RPIA: variants seen among roughly 807,000 people sequenced by gnomAD.
The protein encoded by RPIA is ribose 5-phosphate isomerase A.
A neutral mutation model predicts 37.8 loss-of-function variants in RPIA; 29 were observed. The ratio of observed to expected loss-of-function variants is 0.77; its 90% CI spans 0.57 to 1.05. RPIA has a LOEUF of 1.05. RPIA is among the 50% of genes least tolerant of loss of function. The pLI, the probability that RPIA is intolerant of heterozygous loss-of-function variation, is 0.00. For missense variants in RPIA, 385 were observed against 413.6 expected (o/e 0.93, Z 0.60); for synonymous variants, 167 against 157.0 (o/e 1.06, Z -0.48).
chr2:88,734,455 A>G, intron 4 of RPIA, 97 bp from the exon 5 acceptor site: 1 of 1,146,628 alleles, frequency 8.7e-7, no homozygotes. Context: ...ATTAGCTAAC[A>G]GGGCTGCTGA....
At chr2:88,699,384 A>C (rs1381500546) in intron 2 of RPIA, among the ~76,000 whole-genome samples, 1 of 152,142 alleles carries the variant, frequency 6.6e-6, no homozygotes, top group Non-Finnish European at 1.5e-5. Context: ...TTTTAATACG[A>C]ATTTTTTCCT....
chr2:88,726,331 T>A (rs940379371), intron 3 of RPIA, among the ~76,000 whole-genome samples: 2 of 152,136 alleles, frequency 1.3e-5, no homozygotes, highest in African/African-American at 4.8e-5. Flanking sequence ...CAACACAAAT[T>A]CATAAACTTT....
intron 3 of RPIA, among the ~76,000 whole-genome samples, chr2:88,702,684 G>A (rs1317743241): frequency 1.3e-5 from 2 of 152,160 alleles, no homozygotes. Context: ...ATGAGCTTTG[G>A]GTGGGGACAG....
intron 3 of RPIA, among the ~76,000 whole-genome samples, chr2:88,717,314 C>T (rs1009297090): frequency 7.9e-5 from 12 of 152,092 alleles, no homozygotes; most frequent in South Asian, 4.1e-4. Flanking sequence ...GAGGTCCTGA[C>T]GATATGTGCC....
chr2:88,726,515 G>A (rs894640933), intron 3 of RPIA, among the ~76,000 whole-genome samples: 4 of 152,106 alleles, frequency 2.6e-5, no homozygotes, highest in African/African-American at 9.7e-5. Flanking sequence ...GAATAGAGAG[G>A]CCCTTGTGCA....
chr2:88,748,476 T>TATTC (rs1406850006), intron 8 of RPIA, among the ~76,000 whole-genome samples: 1 of 152,242 alleles, frequency 6.6e-6, no homozygotes, highest in Non-Finnish European at 1.5e-5. Context: ...CTGTAGCTTG[T>TATTC]ATTCACTTAG....
chr2:88,740,432 CATT>C (rs1462682940), intron 8 of RPIA, among the ~76,000 whole-genome samples: 1 of 152,188 alleles, frequency 6.6e-6, no homozygotes, highest in East Asian at 1.9e-4. Context: ...TATCTTTTCT[CATT>C]TTTTCTTTTC....
At chr2:88,706,253 A>C (rs1189882895) in intron 3 of RPIA, among the ~76,000 whole-genome samples, 1 of 152,186 alleles carries the variant, frequency 6.6e-6, no homozygotes, top group Non-Finnish European at 1.5e-5. Flanking sequence ...ATACATGCAC[A>C]TGTATGTTCA....
rs539956610 is a variant in RPIA, at chr2:88,721,831, T to A, written c.403-7447T>A. On this transcript the variant is annotated intron_variant, in intron 3 of 8. Coordinates refer to ENST00000283646, the MANE Select transcript of RPIA (RefSeq NM_144563.3). ...CATAATTAAAATCTCTAATAATTTA[T>A]TAAGAGTAGATCCCTTAAGAAATCA... Among the ~76,000 whole-genome samples the A allele has an allele frequency of 4.6e-5, 7 of 151,320 alleles. No individual in the cohort carries two copies. In the South Asian group the frequency reaches 6.2e-4, roughly 13 times the overall value.
chr2:88,743,631 C>G (rs560948268), intron 8 of RPIA, among the ~76,000 whole-genome samples: 1 of 152,138 alleles, frequency 6.6e-6, no homozygotes, highest in East Asian at 1.9e-4. Context: ...CTTTGAATGT[C>G]TGATAGAATT....
chr2:88,736,473 G>A, intron 6 of RPIA, 62 bp from the exon 7 acceptor site: 1 of 1,585,952 alleles, frequency 6.3e-7, no homozygotes, highest in Non-Finnish European at 8.7e-7. Flanking sequence ...CCTGAATTTG[G>A]TGTTTGCCTG....
At chr2:88,723,965 C>T (rs959010298) in intron 3 of RPIA, among the ~76,000 whole-genome samples, 1 of 152,086 alleles carries the variant, frequency 6.6e-6, no homozygotes, top group Admixed American at 6.5e-5. Context: ...TGGTTGCATT[C>T]TTTTGAGCAT....
intron 8 of RPIA, 62 bp from the exon 9 acceptor site, chr2:88,749,919 T>C: frequency 8.3e-7 from 1 of 1,211,840 alleles, no homozygotes; most frequent in African/African-American, 1.5e-5. Flanking sequence ...CCCTGCAGTC[T>C]TTGAGTCTCT....
At chr2:88,740,545 A>G (rs887041708) in intron 8 of RPIA, among the ~76,000 whole-genome samples, 4 of 152,198 alleles carry the variant, frequency 2.6e-5, no homozygotes, top group Non-Finnish European at 5.9e-5. Context: ...ATTCGTACAC[A>G]GTATGTGAGG....
intron 4 of RPIA, 80 bp downstream of exon 4, chr2:88,729,417 A>T: frequency 7.5e-7 from 1 of 1,328,372 alleles, no homozygotes; most frequent in Non-Finnish European, 1.1e-6. Flanking sequence ...TGGGCTCCAG[A>T]TATCTTGTAA....
At chr2:88,737,936 T>A in intron 7 of RPIA, 41 bp from the exon 8 acceptor site, 1 of 1,457,838 alleles carries the variant, frequency 6.9e-7, no homozygotes, top group Non-Finnish European at 9.6e-7. Flanking sequence ...TCTGCCTACC[T>A]GTATCTGCAT....
At chr2:88,700,615 G>A (rs1442060177) in intron 3 of RPIA, among the ~76,000 whole-genome samples, 1 of 152,028 alleles carries the variant, frequency 6.6e-6, no homozygotes, top group Admixed American at 6.5e-5. Flanking sequence ...GATTGTGCCA[G>A]TGCACTCCAG....
At chr2:88,701,501 C>G (rs891167029) in intron 3 of RPIA, among the ~76,000 whole-genome samples, 2 of 152,032 alleles carry the variant, frequency 1.3e-5, no homozygotes, top group African/African-American at 2.4e-5. Context: ...GCACACTACC[C>G]TCACTTTCCC....
chr2:88,713,699 G>GT (rs550945838), intron 3 of RPIA, among the ~76,000 whole-genome samples: 196 of 152,128 alleles, frequency 1.3e-3, no homozygotes, highest in South Asian at 2.5e-3. Flanking sequence ...TCTTCCCTCT[G>GT]TTTTTTCTGG....
Sources: gnomAD v4.1 joint callset for allele counts (sites outside exome capture counted in the v4.1 genomes callset) on GRCh38, gnomAD v4.1.1 for gene constraint, MANE v1.5 for transcripts, NCBI Gene and HGNC (gene_info 2026-07-23, HGNC 2026-07-21) for gene names.